The following PLEKHM3 variants were observed in gnomAD, a reference collection of about 807,000 sequenced individuals.
PLEKHM3 encodes the protein pleckstrin homology domain containing M3.
Under a neutral mutation model 81.8 loss-of-function variants are expected in PLEKHM3, and 45 were observed. The observed-to-expected ratio is 0.55, with a 90% CI of 0.43 to 0.71. The LOEUF (loss-of-function observed/expected upper bound fraction) is 0.71, where lower values mean the gene tolerates loss of function less well. PLEKHM3 is among the 30% of genes least tolerant of loss of function. The pLI, the probability that PLEKHM3 is intolerant of heterozygous loss-of-function variation, is 0.00. For synonymous variants in PLEKHM3, 352 were observed against 356.4 expected, an observed-to-expected ratio of 0.99 and a Z score of 0.14; for missense variants, 788 against 924.3, an observed-to-expected ratio of 0.85 and a Z score of 1.91.
At chr2:207,857,892 A>G (rs2092444301) in intron 7 of PLEKHM3, among the ~76,000 whole-genome samples, 1 of 149,226 alleles carries the variant, frequency 6.7e-6, no homozygotes, top group Non-Finnish European at 1.5e-5. Flanking sequence ...TCTTTTTTTT[A>G]TCTAGTTTCT....
At chr2:207,954,682 T>A (rs184648937) in intron 3 of PLEKHM3, among the ~76,000 whole-genome samples, 5 of 152,352 alleles carry the variant, frequency 3.3e-5, no homozygotes, top group East Asian at 3.9e-4. Context: ...GTTATTTGGG[T>A]TTTCCCCCTC....
intron 5 of PLEKHM3, among the ~76,000 whole-genome samples, chr2:207,924,699 A>C (rs1308036710): frequency 2.6e-5 from 4 of 152,232 alleles, no homozygotes; most frequent in Admixed American, 6.5e-5. Context: ...CCAAACCAAA[A>C]CAAACAAACA....
At chr2:207,946,952 A>C (rs897664929) in intron 3 of PLEKHM3, among the ~76,000 whole-genome samples, 2 of 152,236 alleles carry the variant, frequency 1.3e-5, no homozygotes, top group Non-Finnish European at 2.9e-5. Context: ...TAGATGAAGA[A>C]TCTAAGATTT....
At chr2:207,967,605 G>C (rs192496795) in intron 3 of PLEKHM3, among the ~76,000 whole-genome samples, 49 of 152,282 alleles carry the variant, frequency 3.2e-4, no homozygotes, top group South Asian at 1.4e-3. Flanking sequence ...AATTATAGTT[G>C]TAAGTGAGCA....
chr2:207,918,516 T>C (rs1360550352), intron 5 of PLEKHM3, among the ~76,000 whole-genome samples: 1 of 151,952 alleles, frequency 6.6e-6, no homozygotes, highest in Admixed American at 6.6e-5. Context: ...AGCAAGACTC[T>C]GTCTCAACAA....
intron 6 of PLEKHM3, among the ~76,000 whole-genome samples, chr2:207,871,288 A>C (rs573835534): frequency 6.6e-6 from 1 of 152,116 alleles, no homozygotes; most frequent in Non-Finnish European, 1.5e-5. Context: ...ACCCTCCCCA[A>C]TCCATTATGG....
intron 4 of PLEKHM3, among the ~76,000 whole-genome samples, chr2:207,938,686 A>T (rs2105954349): frequency 6.6e-6 from 1 of 152,368 alleles, no homozygotes; most frequent in Admixed American, 6.5e-5. Context: ...TTGCTTTAAA[A>T]TCTTCCTTGG....
chr2:207,892,674 C>T (rs1032229281), intron 6 of PLEKHM3, among the ~76,000 whole-genome samples: 1 of 152,144 alleles, frequency 6.6e-6, no homozygotes, highest in Non-Finnish European at 1.5e-5. Context: ...TTCATTATCC[C>T]ATTCCATCCA....
chr2:207,844,059 G>A (rs936374731), intron 7 of PLEKHM3, among the ~76,000 whole-genome samples: 2 of 151,804 alleles, frequency 1.3e-5, no homozygotes, highest in African/African-American at 4.8e-5. Flanking sequence ...CTCAAGCATG[G>A]GCAGCAGAGT....
chr2:208,015,124 T>C (rs1692857546), intron 1 of PLEKHM3, among the ~76,000 whole-genome samples: 1 of 152,252 alleles, frequency 6.6e-6, no homozygotes, highest in African/African-American at 2.4e-5. Context: ...CTGCATTATG[T>C]TGTTAAATCC....
intron 2 of PLEKHM3, among the ~76,000 whole-genome samples, chr2:207,991,061 G>A (rs1691885790): frequency 6.6e-6 from 1 of 152,156 alleles, no homozygotes; most frequent in South Asian, 2.1e-4. Context: ...ACCTGACTAG[G>A]AGATCACAGA....
At chr2:208,016,696 C>CACACACACACACACACACA (rs368432659) in intron 1 of PLEKHM3, among the ~76,000 whole-genome samples, 49 of 148,440 alleles carry the variant, frequency 3.3e-4, no homozygotes, top group Non-Finnish European at 4.5e-4. Context: ...CACACACACA[C>CACACACACACACACACACA]CCTGGTTTCA....
chr2:207,846,928 A>G, intron 7 of PLEKHM3, among the ~76,000 whole-genome samples: 1 of 152,322 alleles, frequency 6.6e-6, no homozygotes, highest in East Asian at 1.9e-4. Flanking sequence ...AATTTTCTGT[A>G]CTTTTCAAAT....
At chr2:207,989,164 C>T (rs942555668) in intron 2 of PLEKHM3, among the ~76,000 whole-genome samples, 1 of 152,192 alleles carries the variant, frequency 6.6e-6, no homozygotes, top group Non-Finnish European at 1.5e-5. Context: ...TTGACTGTAT[C>T]AGCAAAGGAC....
At chr2:207,963,464 A>G (rs974970702) in intron 3 of PLEKHM3, among the ~76,000 whole-genome samples, 5 of 152,214 alleles carry the variant, frequency 3.3e-5, no homozygotes, top group Admixed American at 3.3e-4. Context: ...AATTTTAATA[A>G]GATCACGCTT....
Position 207,886,745 on chromosome 2 carries a change from T to C in PLEKHM3, c.1950+21769A>G, listed in dbSNP as rs546374224. On this transcript the variant is annotated intron_variant, in intron 6 of 7. Coordinates refer to ENST00000427836, the MANE Select transcript of PLEKHM3 (RefSeq NM_001080475.3). The stretch of plus-strand genomic sequence containing the variant: ...ATTGAAGGGAATAATTTTCTCATTA[T>C]GTAATTCAATGTCATTTTAAGCCAC... 6.3e-4 allele frequency among the ~76,000 whole-genome samples: 96 copies of C among 152,370 alleles called. 1 individual carries two copies. In the South Asian group the frequency reaches 0.02, roughly 32 times the overall value.
chr2:207,997,320 C>G (rs1014933005), intron 2 of PLEKHM3, among the ~76,000 whole-genome samples: 1 of 152,110 alleles, frequency 6.6e-6, no homozygotes, highest in Admixed American at 6.6e-5. Flanking sequence ...CCAATTGAGA[C>G]AGAAGACGCA....
At chr2:207,971,459 A>G (rs141078114) in intron 3 of PLEKHM3, among the ~76,000 whole-genome samples, 4,514 of 152,178 alleles carry the variant, frequency 0.03, 209 homozygotes, top group African/African-American at 0.099. Context: ...TGTTTGAGAT[A>G]ATGGATATGC....
chr2:207,947,035 G>C (rs1690155655), intron 3 of PLEKHM3, among the ~76,000 whole-genome samples: 1 of 152,122 alleles, frequency 6.6e-6, no homozygotes, highest in Non-Finnish European at 1.5e-5. Context: ...CTCTAAATTG[G>C]ATGCTAAAAT....
Sources: gnomAD v4.1 joint callset for allele counts (sites outside exome capture counted in the v4.1 genomes callset) on GRCh38, gnomAD v4.1.1 for gene constraint, MANE v1.5 for transcripts, NCBI Gene and HGNC (gene_info 2026-07-23, HGNC 2026-07-21) for gene names.